The following MGMT variants were observed in gnomAD, a reference collection of about 807,000 sequenced individuals.
The protein encoded by MGMT is methylated-DNA--protein-cysteine methyltransferase.
A neutral mutation model predicts 15.9 loss-of-function variants in MGMT; 14 were observed. The observed-to-expected ratio is 0.88, with a 90% CI of 0.58 to 1.37. The LOEUF (loss-of-function observed/expected upper bound fraction) is 1.37. Ranked by LOEUF, MGMT falls within the 40% of genes most tolerant of loss-of-function variation. MGMT has a pLI of 0.00. For missense variants in MGMT, 282 were observed against 268.1 expected (o/e 1.05, Z -0.36); for synonymous variants, 130 against 118.2 (o/e 1.10, Z -0.65).
chr10:129,566,759 A>G lies in MGMT; in HGVS notation c.125+30382A>G, dbSNP rs1443928028. ...AGGCCCCATGAAGTTGGTATTCCTC[A>G]GCTCTGCCCCAGGGTCCCTCTGATT... On this transcript the variant is annotated intron_variant, in intron 2 of 4. Coordinates refer to ENST00000651593, the MANE Select transcript of MGMT (RefSeq NM_002412.5). This position sits in a 1 kb window ranked among gnomAD's most constrained non-coding sequence, Gnocchi z 4.1. 6.6e-6 allele frequency among the ~76,000 whole-genome samples: 1 copy of G among 152,020 alleles called. No individual in the cohort carries two copies. The highest frequency in any genetic ancestry group is 1.5e-5 in the Non-Finnish European group (1 of 68,002).
intron 2 of MGMT, among the ~76,000 whole-genome samples, chr10:129,563,096 C>T (rs1261771446): frequency 1.3e-5 from 2 of 152,140 alleles, no homozygotes; most frequent in African/African-American, 2.4e-5. Flanking sequence ...GTGTTGTGAG[C>T]ACGTTTAAGG....
At chr10:129,694,777 C>A (rs886994666) in intron 2 of MGMT, among the ~76,000 whole-genome samples, 1 of 152,102 alleles carries the variant, frequency 6.6e-6, no homozygotes, top group Non-Finnish European at 1.5e-5. Context: ...TGCCGGGAGA[C>A]CAGCCAGCTC....
At chr10:129,640,363 T>C (rs1045584941) in intron 2 of MGMT, among the ~76,000 whole-genome samples, 1 of 152,232 alleles carries the variant, frequency 6.6e-6, no homozygotes, top group Non-Finnish European at 1.5e-5. Flanking sequence ...CCCAAAATGC[T>C]GAGATTATAG....
At chr10:129,656,182 A>G (rs1326414583) in intron 2 of MGMT, among the ~76,000 whole-genome samples, 5 of 152,188 alleles carry the variant, frequency 3.3e-5, no homozygotes, top group Non-Finnish European at 5.9e-5. Context: ...CTACAGTTCT[A>G]TGTAAGCTGT....
In MGMT at chr10:129,566,047, T is replaced by G. The variant is rs1846351017; in HGVS notation, c.125+29670T>G. Among the ~76,000 whole-genome samples the G allele has an allele frequency of 6.6e-6, 1 of 152,244 alleles. No individual in the cohort carries two copies. ...GGTTCGTAGGCCACTCTTGCAGCTC[T>G]GTTCCTTCTTCAGCTCCTCTGGTCA... On this transcript the variant is annotated intron_variant, in intron 2 of 4. Coordinates refer to ENST00000651593, the MANE Select transcript of MGMT (RefSeq NM_002412.5). This position sits in a 1 kb window ranked among gnomAD's most constrained non-coding sequence, Gnocchi z 4.1.
At chr10:129,577,376 A>G (rs1056108837) in intron 2 of MGMT, among the ~76,000 whole-genome samples, 2 of 152,204 alleles carry the variant, frequency 1.3e-5, no homozygotes, top group African/African-American at 4.8e-5. Flanking sequence ...CTCAGAAATA[A>G]TGCCACATAT....
intron 2 of MGMT, among the ~76,000 whole-genome samples, chr10:129,678,407 C>T (rs972640316): frequency 2.0e-5 from 3 of 151,614 alleles, no homozygotes; most frequent in African/African-American, 7.3e-5. Context: ...GTTGCTGGTG[C>T]AGATTGGAGG....
chr10:129,575,891 A>G (rs1046428009), intron 2 of MGMT, among the ~76,000 whole-genome samples: 3 of 152,158 alleles, frequency 2.0e-5, no homozygotes, highest in Non-Finnish European at 2.9e-5. Context: ...CTACCATCAG[A>G]GAATACTATA....
chr10:129,572,963 C>G (rs1846437387), intron 2 of MGMT, among the ~76,000 whole-genome samples: 1 of 152,084 alleles, frequency 6.6e-6, no homozygotes, highest in South Asian at 2.1e-4. Flanking sequence ...ATTGTGGAAC[C>G]TATTTATAGA....
intron 1 of MGMT, among the ~76,000 whole-genome samples, chr10:129,485,566 G>C (rs1391676768): frequency 6.6e-6 from 1 of 152,240 alleles, no homozygotes; most frequent in African/African-American, 2.4e-5. Flanking sequence ...GCTGCTCAAA[G>C]CTGATGCTCA....
rs187154902 is a variant in MGMT at position 129,707,252 on chromosome 10, C to T, written c.126-643C>T. ...AGATCGAGCCATTGTACTCCAGCCA[C>T]GGCAACAAGAGCAAAACTCCGTCTC... On this transcript the variant is annotated intron_variant, in intron 2 of 4. Coordinates refer to ENST00000651593, the MANE Select transcript of MGMT (RefSeq NM_002412.5). Among the ~76,000 whole-genome samples, 633 of 151,994 alleles carry T rather than the reference C, an allele frequency of 4.2e-3. 3 individuals carry two copies. Among genetic ancestry groups the T allele is most frequent in the African/African-American group, 0.012 (504 of 41,438 alleles).
intron 1 of MGMT, among the ~76,000 whole-genome samples, chr10:129,531,329 C>G (rs1385269992): frequency 1.3e-5 from 2 of 152,096 alleles, no homozygotes; most frequent in African/African-American, 4.8e-5. Context: ...CTTTGTGTGG[C>G]TGGTATTGTG....
intron 2 of MGMT, among the ~76,000 whole-genome samples, chr10:129,575,145 G>GATAC (rs1846465052): frequency 6.6e-6 from 1 of 152,084 alleles, no homozygotes; most frequent in African/African-American, 2.4e-5. Context: ...AGTTAACAAG[G>GATAC]ATACCCAGGA....
intron 3 of MGMT, among the ~76,000 whole-genome samples, chr10:129,711,434 C>T (rs1306393957): frequency 1.3e-5 from 2 of 152,236 alleles, no homozygotes; most frequent in East Asian, 1.9e-4. Flanking sequence ...CGGAGGTCCC[C>T]GGGGCTGCCT....
At chr10:129,743,321 A>G (rs770074274) in intron 3 of MGMT, among the ~76,000 whole-genome samples, 4 of 152,186 alleles carry the variant, frequency 2.6e-5, no homozygotes, top group Non-Finnish European at 5.9e-5. Context: ...TTGGAAACCC[A>G]CGTTGAGTTG....
intron 2 of MGMT, among the ~76,000 whole-genome samples, chr10:129,627,194 G>A (rs574547316): frequency 1.3e-5 from 2 of 152,314 alleles, no homozygotes; most frequent in Admixed American, 6.5e-5. Flanking sequence ...TGGGTGTGCT[G>A]GGGGATGAGG....
chr10:129,746,926 A>T (rs1309198303), intron 3 of MGMT, among the ~76,000 whole-genome samples: 1 of 152,220 alleles, frequency 6.6e-6, no homozygotes, highest in Admixed American at 6.5e-5. Context: ...TCAGTTTGTT[A>T]GAATTCAAAT....
Position 129,659,099 on chromosome 10 carries a change from G to A in MGMT, c.126-48796G>A, listed in dbSNP as rs1160752815. ...AGGCCGGGTGCAGTGGCTCACACCT[G>A]TAATCCCAACACTTTGGGAGGCCGA... On this transcript the variant is annotated intron_variant, in intron 2 of 4. Transcript: ENST00000651593. The surrounding 1 kb of genome is among the most constrained non-coding windows in gnomAD (Gnocchi z 4.1). Among the ~76,000 whole-genome samples, 2 of 152,162 alleles carry A rather than the reference G, an allele frequency of 1.3e-5. No homozygotes were observed. The highest frequency in any genetic ancestry group is 2.9e-5 in the Non-Finnish European group (2 of 68,042).
Position 129,708,077 on chromosome 10 carries a change from G to A in MGMT, c.274+34G>A, listed in dbSNP as rs201779717. On this transcript the variant is annotated intron_variant, in intron 3 of 4. Coordinates refer to ENST00000651593, the MANE Select transcript of MGMT (RefSeq NM_002412.5). The stretch of plus-strand genomic sequence containing the variant: ...CTAAGCCATCTGCGGTGTTTCCTTT[G>A]GGGAGCTTGACTTATTAACGATCGC... The A allele has an allele frequency of 1.5e-4, 243 of 1,588,448 alleles. 1 individual carries two copies. The highest frequency in any genetic ancestry group is 9.8e-5 in the Non-Finnish European group (114 of 1,167,986).
Sources: gnomAD v4.1 joint callset for allele counts (sites outside exome capture counted in the v4.1 genomes callset) on GRCh38, gnomAD v4.1.1 for gene constraint, Gnocchi (gnomAD v3.1) non-coding constraint, MANE v1.5 for transcripts, NCBI Gene and HGNC (gene_info 2026-07-23, HGNC 2026-07-21) for gene names.